Variants in DNAH6 observed in about 807,000 individuals in gnomAD.
DNAH6 encodes dynein axonemal heavy chain 6, also known as axonemal beta dynein heavy chain 6.
A neutral mutation model predicts 491.4 loss-of-function variants in DNAH6; 340 were observed. The ratio of observed to expected loss-of-function variants is 0.69; its 90% CI spans 0.63 to 0.76. The LOEUF is 0.76. Ranked by LOEUF, DNAH6 falls within the 30% of genes least tolerant of loss-of-function variation. The pLI is 0.00. For synonymous variants in DNAH6, 1,603 were observed against 1,686.1 expected (o/e 0.95, Z 1.21); for missense variants, 4,443 against 4,972.2 (o/e 0.89, Z 3.20).
At chr2:84,761,173 C>T (rs1012296813) in intron 63 of DNAH6, among the ~76,000 whole-genome samples, 1 of 151,984 alleles carries the variant, frequency 6.6e-6, no homozygotes, top group Non-Finnish European at 1.5e-5. Flanking sequence ...CTTGCAGCAA[C>T]GTAGATGGCA....
chr2:84,512,512 T>C (rs1271655641), upstream of DNAH6, among the ~76,000 whole-genome samples: 1 of 152,180 alleles, frequency 6.6e-6, no homozygotes, highest in African/African-American at 2.4e-5. Context: ...CTCAACACTG[T>C]TGCATTGAGG....
At chr2:84,782,332 G>A (rs1214720717) in intron 65 of DNAH6, among the ~76,000 whole-genome samples, 2 of 152,190 alleles carry the variant, frequency 1.3e-5, no homozygotes, top group Admixed American at 6.5e-5. Flanking sequence ...CTGCTGTGAA[G>A]CCCTGGGAGA....
chr2:84,472,128 T>C, the DNAH6 span, among the ~76,000 whole-genome samples: 1 of 152,142 alleles, frequency 6.6e-6, no homozygotes, highest in Non-Finnish European at 1.5e-5. Context: ...GTTGATCTTT[T>C]TGTAAATTTA....
In DNAH6 at chr2:84,812,475, G is replaced by T. The variant is rs1418702058; in HGVS notation, c.11874G>T (p.Lys3958Asn). 1 of 1,551,732 alleles carries T rather than the reference G, an allele frequency of 6.4e-7. No individual in the cohort carries two copies. The highest frequency in any genetic ancestry group is 2.0e-5 in the Admixed American group (1 of 51,006). The change falls in exon 73 of 77, where the codon AAG becomes AAT. Residue 3958 changes from lysine to asparagine, a missense_variant. Physicochemically the swap from Lys to Asn is moderately conservative, Grantham distance 94. Around this residue, in one of 3 missense-constraint regions of DNAH6, gnomAD observed 1,463 missense variants for 1,656.6 expected, o/e 0.88. Coordinates refer to ENST00000389394, the MANE Select transcript of DNAH6 (RefSeq NM_001370.2). ...LWSNTAYPSLKPLGSWVKDLI... is the reference protein window; with the variant it reads ...LWSNTAYPSLNPLGSWVKDLI... ...CCAACACAGCCTACCCATCCCTGAAGCCACTAGGATCATGGGTCAAAGACC... is the reference window on the plus strand; with the variant it reads ...CCAACACAGCCTACCCATCCCTGAATCCACTAGGATCATGGGTCAAAGACC...
intron 74 of DNAH6, 22 bp from the exon 75 acceptor site, chr2:84,813,949 T>G: frequency 6.4e-7 from 1 of 1,551,444 alleles, no homozygotes. Flanking sequence ...TGAACGCAGC[T>G]TTCCGATTTT....
At chr2:84,591,152 G>A (rs1449239789) in intron 16 of DNAH6, among the ~76,000 whole-genome samples, 3 of 152,118 alleles carry the variant, frequency 2.0e-5, no homozygotes, top group African/African-American at 7.2e-5. Flanking sequence ...CATCTGTCTT[G>A]GAGTAGTGAC....
intron 29 of DNAH6, among the ~76,000 whole-genome samples, chr2:84,628,342 C>T (rs1688075698): frequency 6.6e-6 from 1 of 152,160 alleles, no homozygotes; most frequent in East Asian, 1.9e-4. Flanking sequence ...TTCCCCAGGG[C>T]TCTGACCAGT....
upstream of DNAH6, among the ~76,000 whole-genome samples, chr2:84,513,800 TA>T (rs1280945767): frequency 3.3e-5 from 5 of 152,198 alleles, no homozygotes. Flanking sequence ...ATAGGTAGTG[TA>T]AATGAAAAAC....
chr2:84,501,455 A>G, the DNAH6 span, among the ~76,000 whole-genome samples: 9 of 151,622 alleles, frequency 5.9e-5, no homozygotes, highest in Admixed American at 3.9e-4. Context: ...TCTTACATCA[A>G]AATTTATCAG....
the DNAH6 span, among the ~76,000 whole-genome samples, chr2:84,495,324 T>G: frequency 6.6e-6 from 1 of 152,066 alleles, no homozygotes; most frequent in East Asian, 1.9e-4. Flanking sequence ...CACCATGCCC[T>G]GCTAATTTTT....
At chr2:84,608,504 A>AT (rs1685998087) in intron 21 of DNAH6, among the ~76,000 whole-genome samples, 1 of 152,326 alleles carries the variant, frequency 6.6e-6, no homozygotes, top group African/African-American at 2.4e-5. Flanking sequence ...CTCCTTGTAC[A>AT]TCTCCATAAG....
At chr2:84,621,047 T>G in intron 24 of DNAH6, 144 bp from the exon 25 acceptor site, 1 of 768,164 alleles carries the variant, frequency 1.3e-6, no homozygotes, top group Non-Finnish European at 2.1e-6. Flanking sequence ...GATAGATGCA[T>G]AGTGGAATGT....
At chr2:84,756,680 T>C (rs1365652109) in intron 63 of DNAH6, among the ~76,000 whole-genome samples, 2 of 152,232 alleles carry the variant, frequency 1.3e-5, no homozygotes, top group Non-Finnish European at 2.9e-5. Context: ...AACCATGCCC[T>C]TTCTCTGGGC....
chr2:84,550,289 AT>A (rs1422384367), intron 9 of DNAH6, among the ~76,000 whole-genome samples: 1 of 152,158 alleles, frequency 6.6e-6, no homozygotes, highest in Non-Finnish European at 1.5e-5. Flanking sequence ...ATCATCAGGC[AT>A]TAGTTAGAGT....
At chr2:84,490,574 A>ATTTATTTTTTTTTTTTTTTTTTTTT in the DNAH6 span, among the ~76,000 whole-genome samples, 1 of 152,030 alleles carries the variant, frequency 6.6e-6, no homozygotes, top group African/African-American at 2.4e-5. Flanking sequence ...TATATTATTT[A>ATTTATTTTTTTTTTTTTTTTTTTTT]TTTTTAAGAT....
chr2:84,589,898 A>T (rs1204420386), intron 16 of DNAH6, among the ~76,000 whole-genome samples: 1 of 152,028 alleles, frequency 6.6e-6, no homozygotes, highest in African/African-American at 2.4e-5. Flanking sequence ...AGCAATAAGG[A>T]AGATGCCATT....
At chr2:84,750,890 G>A (rs1318786123) in intron 63 of DNAH6, 3 of 152,284 alleles carry the variant, frequency 2.0e-5, no homozygotes, top group Admixed American at 2.0e-4. Context: ...ACCTTACCCA[G>A]GTTATGATAC....
chr2:84,619,467 C>G (rs1425039674), intron 23 of DNAH6, among the ~76,000 whole-genome samples: 1 of 152,136 alleles, frequency 6.6e-6, no homozygotes, highest in South Asian at 2.1e-4. Flanking sequence ...GACACTAATT[C>G]TAGGTGTGCA....
At chr2:84,786,120 A>G (rs555264842) in intron 67 of DNAH6, among the ~76,000 whole-genome samples, 20 of 152,218 alleles carry the variant, frequency 1.3e-4, no homozygotes, top group African/African-American at 4.8e-4. Flanking sequence ...GAATGAATGA[A>G]TGAATGAATG....
Sources: gnomAD v4.1 joint callset for allele counts (sites outside exome capture counted in the v4.1 genomes callset) on GRCh38, gnomAD v4.1.1 for gene constraint, gnomAD v4.1.1 regional missense constraint, MANE v1.5 for transcripts, NCBI Gene and HGNC (gene_info 2026-07-23, HGNC 2026-07-21) for gene names.